LRRC18: variants seen among roughly 807,000 people sequenced by gnomAD.
LRRC18 encodes leucine-rich repeat-containing protein 18.
Under a neutral mutation model 11.2 loss-of-function variants are expected in LRRC18, and 12 were observed. The ratio of observed to expected loss-of-function variants is 1.07; its 90% CI spans 0.69 to 1.74. The LOEUF (loss-of-function observed/expected upper bound fraction) is 1.74. LRRC18 is among the 40% of genes most tolerant of loss of function. The pLI is 0.00. For missense variants in LRRC18, 374 were observed against 330.5 expected, an observed-to-expected ratio of 1.13 and a Z score of -1.02; for synonymous variants, 155 against 130.6, an observed-to-expected ratio of 1.19 and a Z score of -1.27.
intron 1 of LRRC18, 84 bp from the exon 4 acceptor site, chr10:48,910,342 A>C: frequency 9.0e-5 from 109 of 1,216,102 alleles, no homozygotes; most frequent in Non-Finnish European, 1.2e-4. Context: ...ACACCAGCTC[A>C]CCAAGGTCAT....
At chr10:48,921,067 C>A in the LRRC18 span, among the ~76,000 whole-genome samples, 1 of 152,098 alleles carries the variant, frequency 6.6e-6, no homozygotes, top group Non-Finnish European at 1.5e-5. Context: ...CAACTCTCCC[C>A]AAATTGGTCT....
At chr10:48,928,779 A>G in the LRRC18 span, among the ~76,000 whole-genome samples, 1 of 152,138 alleles carries the variant, frequency 6.6e-6, no homozygotes, top group African/African-American at 2.4e-5. Flanking sequence ...ACCGCCTATC[A>G]CCTGGGAAGG....
Position 48,913,869 on chromosome 10 carries a change from G to A in LRRC18, c.287C>T (p.Thr96Ile), listed in dbSNP as rs762718344. 32 of 1,614,002 alleles carry A rather than the reference G, an allele frequency of 2.0e-5. No homozygotes were observed. The highest frequency in any genetic ancestry group is 1.6e-4 in the Middle Eastern group (1 of 6,084). The stretch of plus-strand genomic sequence containing the variant: ...GCTGACGTTGAGGTAGAGCAGGCTG[G>A]TCATCTGGCCAATGGACTCAGGCAG... Residue 96 changes from threonine to isoleucine, a missense_variant, in exon 1 of 2, where the codon ACC (threonine) becomes ATC (isoleucine). Thr to Ile is a moderately conservative substitution (Grantham distance 89, BLOSUM62 -1). Transcript: ENST00000374160.
chr10:48,936,769 C>G, the LRRC18 span, among the ~76,000 whole-genome samples: 2 of 146,634 alleles, frequency 1.4e-5, no homozygotes, highest in African/African-American at 5.1e-5. Flanking sequence ...ACCCAGGAGA[C>G]AGAGGTTGCA....
chr10:48,930,694 A>T, the LRRC18 span, among the ~76,000 whole-genome samples: 1 of 152,368 alleles, frequency 6.6e-6, no homozygotes, highest in South Asian at 2.1e-4. Flanking sequence ...ATAGTAAAAA[A>T]AAATTAGAAA....
rs191550753 is a variant in LRRC18, at chr10:48,913,996, C to G, written c.160G>C (p.Glu54Gln). Residue 54 changes from glutamate to glutamine, a missense_variant, in exon 1 of 2, where the codon GAG becomes CAG. Transcript: ENST00000374160. ...ATAAGATTCCGGCTAAGGTCCAGCT[C>G]GTCCATGTCACTAAGGCGCAGAATA... The G allele has an allele frequency of 1.9e-5, 31 of 1,613,998 alleles. No homozygotes were observed. In the Admixed American group the frequency reaches 4.0e-4, roughly 21 times the overall value.
chr10:48,933,966 C>G, the LRRC18 span, among the ~76,000 whole-genome samples: 12 of 152,192 alleles, frequency 7.9e-5, no homozygotes, highest in Middle Eastern at 3.4e-3. Flanking sequence ...ACTAACAAAC[C>G]GGTCTGCAGA....
chr10:48,914,665 T>C (rs1261526717), upstream of LRRC18, among the ~76,000 whole-genome samples: 1 of 152,188 alleles, frequency 6.6e-6, no homozygotes, highest in East Asian at 1.9e-4. Context: ...CCAGCCAACA[T>C]AAGCCTGGAT....
the LRRC18 span, among the ~76,000 whole-genome samples, chr10:48,926,951 C>G: frequency 6.6e-6 from 1 of 152,186 alleles, no homozygotes; most frequent in Non-Finnish European, 1.5e-5. Flanking sequence ...GAGTGTGAGT[C>G]AAGAGTGTGA....
exon 2 of LRRC18, chr10:48,909,659 C>G (rs1397770662): frequency 3.9e-5 from 6 of 152,160 alleles, no homozygotes; most frequent in African/African-American, 1.4e-4. Context: ...GTGCCAAGGT[C>G]TTTTTAACAA....
the LRRC18 span, among the ~76,000 whole-genome samples, chr10:48,939,435 C>G: frequency 6.6e-6 from 1 of 152,118 alleles, no homozygotes; most frequent in Non-Finnish European, 1.5e-5. Context: ...TCGGGGCCCC[C>G]CATTTAAGTG....
At chr10:48,929,580 C>T in the LRRC18 span, among the ~76,000 whole-genome samples, 1 of 152,238 alleles carries the variant, frequency 6.6e-6, no homozygotes, top group Non-Finnish European at 1.5e-5. Context: ...TACACTCACT[C>T]TCCTGGTAAG....
intron 1 of LRRC18, among the ~76,000 whole-genome samples, chr10:48,912,512 G>A: frequency 6.6e-6 from 1 of 152,356 alleles, no homozygotes; most frequent in African/African-American, 2.4e-5. Context: ...GGGATCTCCT[G>A]AATGCCTCAG....
chr10:48,938,042 G>T, the LRRC18 span, among the ~76,000 whole-genome samples: 2 of 152,204 alleles, frequency 1.3e-5, no homozygotes, highest in Non-Finnish European at 2.9e-5. Flanking sequence ...TAGCCCACAC[G>T]CATCAGCAGG....
At chr10:48,920,456 T>C in the LRRC18 span, among the ~76,000 whole-genome samples, 9 of 152,086 alleles carry the variant, frequency 5.9e-5, no homozygotes, top group African/African-American at 1.9e-4. Context: ...ACATGGCACA[T>C]GTATACATAT....
chr10:48,915,263 C>T (rs758940385), upstream of LRRC18, among the ~76,000 whole-genome samples: 12 of 152,122 alleles, frequency 7.9e-5, no homozygotes, highest in Non-Finnish European at 1.0e-4. Context: ...GTTTCTAATC[C>T]TCAATAACAA....
At chr10:48,919,554 G>A in the LRRC18 span, among the ~76,000 whole-genome samples, 1 of 152,208 alleles carries the variant, frequency 6.6e-6, no homozygotes, top group South Asian at 2.1e-4. Flanking sequence ...CTGTTCCAGA[G>A]GCTGGGAAGT....
At chr10:48,932,627 A>G in the LRRC18 span, 4 of 150,358 alleles carry the variant, frequency 2.7e-5, no homozygotes, top group Middle Eastern at 3.2e-3. Context: ...TGAAGCTACC[A>G]TGTCAAGAGA....
chr10:48,912,470 C>T (rs1838093184), intron 1 of LRRC18, among the ~76,000 whole-genome samples: 3 of 152,236 alleles, frequency 2.0e-5, no homozygotes. Context: ...TGGCTTTTCT[C>T]TTTGCCAGGC....
Sources: gnomAD v4.1 joint callset for allele counts (sites outside exome capture counted in the v4.1 genomes callset) on GRCh38, gnomAD v4.1.1 for gene constraint, MANE v1.5 for transcripts, NCBI Gene and HGNC (gene_info 2026-07-23, HGNC 2026-07-21) for gene names.